Variants in AHCTF1 observed in about 807,000 individuals in gnomAD.
The protein encoded by AHCTF1 is protein ELYS.
A neutral mutation model predicts 248.4 loss-of-function variants in AHCTF1; 24 were observed. That is an observed-to-expected ratio of 0.10 (90% CI 0.07 to 0.14). The LOEUF (loss-of-function observed/expected upper bound fraction) is 0.14. AHCTF1 is among the 10% of genes least tolerant of loss of function. The pLI is 1.00. For synonymous variants in AHCTF1, 786 were observed against 929.8 expected (o/e 0.85, Z 2.81); for missense variants, 2,206 against 2,636.2 (o/e 0.84, Z 3.57).
At chr1:246,860,788 T>C (rs1661482111) in intron 29 of AHCTF1, 111 bp downstream of exon 29, 2 of 1,396,740 alleles carry the variant, frequency 1.4e-6, no homozygotes, top group Non-Finnish European at 1.9e-6. Context: ...TTAACTAGCA[T>C]GAGCCACAGT....
chr1:246,868,923 C>A (rs1293367265), intron 24 of AHCTF1, among the ~76,000 whole-genome samples: 2 of 148,594 alleles, frequency 1.3e-5, no homozygotes, highest in Non-Finnish European at 1.5e-5. Flanking sequence ...CGGCTCACTG[C>A]AAGTTCTGCC....
Position 246,907,607 on chromosome 1 carries a change from A to G in AHCTF1, c.708T>C (p.Ala236=), listed in dbSNP as rs747368544. 3.1e-6 allele frequency: 5 copies of G among 1,613,868 alleles called. No homozygotes were observed. Among genetic ancestry groups the G allele is most frequent in the Non-Finnish European group, 4.2e-6 (5 of 1,179,786 alleles). The change falls in exon 5 of 36, where the codon GCT becomes GCC. Residue 236 remains alanine (A), a synonymous_variant. Coordinates refer to ENST00000648844, the MANE Select transcript of AHCTF1 (RefSeq NM_001323342.2). ...CTAGATAGCCATCAGAAAAACCTACAGCAAGCTGATTTGTCCTGCTTATGT... is the reference window on the plus strand; with the variant it reads ...CTAGATAGCCATCAGAAAAACCTACGGCAAGCTGATTTGTCCTGCTTATGT... ...LSYISRTNQL[A]VGFSDGYLAL... is the part of the protein sequence containing the mutation.
intron 25 of AHCTF1, 30 bp downstream of exon 25, chr1:246,867,631 C>T: frequency 6.2e-7 from 1 of 1,605,652 alleles, no homozygotes. Flanking sequence ...TAACAAGCAG[C>T]ATGACTATGA....
In AHCTF1 at chr1:246,905,650, T is replaced by C. The variant is rs748737238; in HGVS notation, c.772A>G (p.Ile258Val). 4 of 1,605,260 alleles carry C rather than the reference T, an allele frequency of 2.5e-6. No homozygotes were observed. The highest frequency in any genetic ancestry group is 1.1e-5 in the South Asian group (1 of 90,886). Reference protein sequence around the residue: ...NMKSMKREYYIQLESGQVPVY... With the variant: ...NMKSMKREYYVQLESGQVPVY... Reference sequence around the variant, plus strand: ...GGAACTTGTCCACTTTCCAATTGTATGTAATATCTGAAACAAATTAGTATA... The same window carrying C: ...GGAACTTGTCCACTTTCCAATTGTACGTAATATCTGAAACAAATTAGTATA... The change falls in exon 6 of 36, where the codon ATA becomes GTA. Residue 258 changes from isoleucine (I) to valine (V), a missense_variant. Around this residue, in one of 6 missense-constraint regions of AHCTF1, gnomAD observed 650 missense variants for 870.8 expected, o/e 0.75. Transcript: ENST00000648844.
chr1:246,879,902 T>C (rs533158805), intron 21 of AHCTF1, among the ~76,000 whole-genome samples: 1 of 152,154 alleles, frequency 6.6e-6, no homozygotes, highest in South Asian at 2.1e-4. Context: ...TGAACTACTA[T>C]GCAATAGTTA....
intron 21 of AHCTF1, among the ~76,000 whole-genome samples, chr1:246,880,461 G>A (rs974087727): frequency 3.3e-5 from 5 of 151,070 alleles, no homozygotes; most frequent in Admixed American, 2.0e-4. Context: ...CTATTCAGGA[G>A]CCTGAGGCAG....
chr1:246,876,875 C>G, intron 23 of AHCTF1, 75 bp downstream of exon 23: 2 of 1,547,430 alleles, frequency 1.3e-6, no homozygotes, highest in Non-Finnish European at 1.8e-6. Flanking sequence ...ACTGTAAGCT[C>G]TTATATAACA....
intron 4 of AHCTF1, among the ~76,000 whole-genome samples, chr1:246,912,924 A>C (rs1300870073): frequency 6.6e-6 from 1 of 152,142 alleles, no homozygotes; most frequent in Non-Finnish European, 1.5e-5. Context: ...TCCAGCATTT[A>C]CTTAAGAATA....
At chr1:246,847,774 T>C (rs1031112768) in intron 33 of AHCTF1, among the ~76,000 whole-genome samples, 1 of 152,068 alleles carries the variant, frequency 6.6e-6, no homozygotes, top group Non-Finnish European at 1.5e-5. Flanking sequence ...GAAAAATAGG[T>C]AAAGATGACA....
At chr1:246,845,347 A>T (rs182659630) in intron 33 of AHCTF1, among the ~76,000 whole-genome samples, 13 of 149,598 alleles carry the variant, frequency 8.7e-5, no homozygotes, top group Admixed American at 2.6e-4. Context: ...GTAGGTGTAT[A>T]TATAAGCATA....
intron 33 of AHCTF1, among the ~76,000 whole-genome samples, chr1:246,846,697 G>T (rs969649395): frequency 6.6e-6 from 1 of 151,456 alleles, no homozygotes; most frequent in South Asian, 2.1e-4. Flanking sequence ...GAAAAAAAAA[G>T]AAATATTACG....
At chr1:246,929,447 T>C (rs1667174393) in intron 1 of AHCTF1, among the ~76,000 whole-genome samples, 1 of 145,972 alleles carries the variant, frequency 6.9e-6, no homozygotes, top group Admixed American at 6.8e-5. Flanking sequence ...AGTGAAAACA[T>C]TGGATTTAGA....
At position 246,851,376 on chromosome 1, in the gene AHCTF1, C is replaced by G. The variant is rs375999683; in HGVS notation, c.4630G>C (p.Glu1544Gln). ...TTAAGTGTTCCAGAGGGATATAACT[C>G]ATTAAATGAAAGATTCCTAGCCTCT... Reference protein sequence around the residue: ...GEEARNLSFNELYPSGTLKLQ... With the variant: ...GEEARNLSFNQLYPSGTLKLQ... The change falls in exon 33 of 36, where the codon GAG becomes CAG. Residue 1544 changes from glutamate (E) to glutamine (Q), a missense_variant. By Grantham distance (29) the Glu-to-Gln change is conservative. Around this residue, in one of 6 missense-constraint regions of AHCTF1, gnomAD observed 955 missense variants for 1,055.6 expected, o/e 0.90. Transcript: ENST00000648844. 43 of 1,613,668 alleles carry G rather than the reference C, an allele frequency of 2.7e-5. No individual in the cohort carries two copies. The African/African-American group carries it at 5.7e-4, about 22-fold the overall frequency.
chr1:246,896,402 C>T (rs1664576198), intron 12 of AHCTF1, among the ~76,000 whole-genome samples: 1 of 152,196 alleles, frequency 6.6e-6, no homozygotes, highest in African/African-American at 2.4e-5. Context: ...AGTACTGATA[C>T]TTGCTATAAT....
chr1:246,900,751 G>A lies in AHCTF1; in HGVS notation c.1118-282C>T, dbSNP rs1347720051. On this transcript the variant is annotated intron_variant, in intron 8 of 35. Coordinates refer to ENST00000648844, the MANE Select transcript of AHCTF1 (RefSeq NM_001323342.2). ...CTTGAGCAACGTTGAGGTATTAGAG[G>A]CAGAAAGTACAAAATGATTTGAATG... Among the ~76,000 whole-genome samples, 5 of 152,192 alleles carry A rather than the reference G, an allele frequency of 3.3e-5. No individual in the cohort carries two copies. The South Asian group carries it at 6.2e-4, about 19-fold the overall frequency.
Position 246,892,301 on chromosome 1 carries a change from C to CTTTT in AHCTF1, c.1805-386_1805-383dup, listed in dbSNP as rs74163502. Among the ~76,000 whole-genome samples, 222 of 64,970 alleles carry CTTTT rather than the reference C, an allele frequency of 3.4e-3. 17 individuals carry two copies. Among genetic ancestry groups the CTTTT allele is most frequent in the East Asian group, 6.0e-3 (11 of 1,834 alleles). The allele number at this position is 64,970 out of a possible 152,430, so 42.6% of individuals were successfully genotyped here. A position where few individuals can be genotyped will look rare whatever the true frequency, so the allele number is the denominator to read the frequency against. On this transcript the variant is annotated intron_variant, in intron 14 of 35. Coordinates refer to ENST00000648844, the MANE Select transcript of AHCTF1 (RefSeq NM_001323342.2). ...TTAAATCAAATTCTAATTTGTTTTA[C>CTTTT]TTTTTTTTTTTTTTTTTTTTTTTTT...
intron 33 of AHCTF1, among the ~76,000 whole-genome samples, chr1:246,844,598 C>A (rs770650995): frequency 2.0e-5 from 3 of 152,074 alleles, no homozygotes; most frequent in Non-Finnish European, 4.4e-5. Context: ...GTGGTGCACG[C>A]CTGTGGTGTC....
chr1:246,845,027 A>G (rs1186966983), intron 33 of AHCTF1, among the ~76,000 whole-genome samples: 3 of 152,206 alleles, frequency 2.0e-5, no homozygotes, highest in Non-Finnish European at 4.4e-5. Context: ...GGATGAAAGA[A>G]GCAGAACAAT....
intron 24 of AHCTF1, among the ~76,000 whole-genome samples, chr1:246,869,153 T>C (rs1000368199): frequency 1.1e-4 from 16 of 151,794 alleles, no homozygotes; most frequent in South Asian, 2.1e-4. Context: ...GTGTGTTTTG[T>C]TTTTTTAAAC....
Sources: gnomAD v4.1 joint callset for allele counts (sites outside exome capture counted in the v4.1 genomes callset) on GRCh38, gnomAD v4.1.1 for gene constraint, gnomAD v4.1.1 regional missense constraint, MANE v1.5 for transcripts, NCBI Gene and HGNC (gene_info 2026-07-23, HGNC 2026-07-21) for gene names.